MSRA: variants seen among roughly 807,000 people sequenced by gnomAD.
MSRA encodes methionine sulfoxide reductase A.
A neutral mutation model predicts 31.3 loss-of-function variants in MSRA; 54 were observed. The ratio of observed to expected loss-of-function variants is 1.73; its 90% CI spans 1.39 to 2.17. MSRA has a LOEUF of 2.17. MSRA is among the 30% of genes most tolerant of loss of function. MSRA has a pLI of 0.00. For synonymous variants in MSRA, 169 were observed against 116.5 expected (o/e 1.45, Z -2.90); for missense variants, 507 against 300.9 (o/e 1.69, Z -5.07).
chr8:10,097,048 C>G (rs1030216542), intron 1 of MSRA, among the ~76,000 whole-genome samples: 1 of 152,010 alleles, frequency 6.6e-6, no homozygotes, highest in Admixed American at 6.6e-5. Flanking sequence ...CTTAATCCTT[C>G]GACAATAAAA....
At chr8:10,294,178 G>A (rs1800403550) in intron 3 of MSRA, among the ~76,000 whole-genome samples, 1 of 152,276 alleles carries the variant, frequency 6.6e-6, no homozygotes, top group African/African-American at 2.4e-5. Context: ...TCCAGCCTGG[G>A]CAAGAGAGTG....
At chr8:10,303,016 C>T (rs1004526876) in intron 4 of MSRA, among the ~76,000 whole-genome samples, 2 of 152,198 alleles carry the variant, frequency 1.3e-5, no homozygotes, top group African/African-American at 4.8e-5. Context: ...GTGGTGACAG[C>T]CAGTCGCTCC....
chr8:10,084,099 C>T (rs1394160867), intron 1 of MSRA, among the ~76,000 whole-genome samples: 1 of 152,244 alleles, frequency 6.6e-6, no homozygotes, highest in African/African-American at 2.4e-5. Flanking sequence ...GGAGTCGAGG[C>T]AGGGCCTGGC....
intron 2 of MSRA, among the ~76,000 whole-genome samples, chr8:10,231,246 G>T (rs1280037340): frequency 6.6e-6 from 1 of 152,130 alleles, no homozygotes; most frequent in Non-Finnish European, 1.5e-5. Flanking sequence ...GGAGGAGGCT[G>T]CTGTCACCGT....
chr8:10,091,842 G>T (rs1021367285), intron 1 of MSRA, among the ~76,000 whole-genome samples: 3 of 152,046 alleles, frequency 2.0e-5, no homozygotes, highest in African/African-American at 7.2e-5. Flanking sequence ...CTTGTCCTCA[G>T]GCAATCTGCT....
In MSRA at chr8:10,224,710, G is replaced by T. The variant is rs569312576; in HGVS notation, c.211+16809G>T. Among the ~76,000 whole-genome samples the T allele has an allele frequency of 2.6e-5, 4 of 152,312 alleles. No individual in the cohort carries two copies. The South Asian group carries it at 8.3e-4, about 32-fold the overall frequency. ...GATTATTACCTCCCCATCAGAGAGA[G>T]ACACTCCTCGTGGTACAGCTGTGAT... On this transcript the variant is annotated intron_variant, in intron 2 of 5. Coordinates refer to ENST00000317173, the MANE Select transcript of MSRA (RefSeq NM_012331.5).
intron 1 of MSRA, among the ~76,000 whole-genome samples, chr8:10,098,455 C>T (rs1166227481): frequency 2.6e-5 from 4 of 152,108 alleles, no homozygotes; most frequent in Admixed American, 2.6e-4. Context: ...CTCATTTATT[C>T]ATTTATTCAA....
chr8:10,110,344 G>T (rs1172747999), intron 1 of MSRA, among the ~76,000 whole-genome samples: 1 of 152,148 alleles, frequency 6.6e-6, no homozygotes, highest in Non-Finnish European at 1.5e-5. Context: ...GGATTATCCA[G>T]ATTTGTGGCT....
At chr8:10,417,423 C>CACACACACAG (rs1222420231) in intron 5 of MSRA, among the ~76,000 whole-genome samples, 1 of 150,188 alleles carries the variant, frequency 6.7e-6, no homozygotes, top group Non-Finnish European at 1.5e-5. Flanking sequence ...TCAGAAGACA[C>CACACACACAG]ACACACACAC....
chr8:10,161,352 C>A (rs369748302), intron 1 of MSRA, among the ~76,000 whole-genome samples: 10 of 152,182 alleles, frequency 6.6e-5, no homozygotes, highest in African/African-American at 2.4e-4. Context: ...AATAAAGTTG[C>A]TGCAGTGCTG....
At chr8:10,096,281 G>A in intron 1 of MSRA, 1 of 1,150,300 alleles carries the variant, frequency 8.7e-7, no homozygotes, top group Non-Finnish European at 1.1e-6. Flanking sequence ...AAGGCAAGCT[G>A]AAGACACCAG....
chr8:10,295,321 C>T (rs964619352), intron 3 of MSRA, among the ~76,000 whole-genome samples: 4 of 152,106 alleles, frequency 2.6e-5, no homozygotes, highest in Admixed American at 1.3e-4. Flanking sequence ...CGTCGCACTG[C>T]GCTGCCTCTC....
intron 3 of MSRA, among the ~76,000 whole-genome samples, chr8:10,271,117 A>G (rs558069010): frequency 6.6e-6 from 1 of 151,718 alleles, no homozygotes; most frequent in East Asian, 1.9e-4. Context: ...TTTTATATGA[A>G]TAATTTTTAA....
At chr8:10,215,814 T>C (rs1391522930) in intron 2 of MSRA, among the ~76,000 whole-genome samples, 2 of 152,246 alleles carry the variant, frequency 1.3e-5, no homozygotes, top group African/African-American at 4.8e-5. Flanking sequence ...TTTGCAGTAG[T>C]GTACAGCAAC....
chr8:10,080,587 A>C (rs892809406), intron 1 of MSRA, among the ~76,000 whole-genome samples: 7 of 152,086 alleles, frequency 4.6e-5, no homozygotes, highest in African/African-American at 1.7e-4. Flanking sequence ...GTGCAGTAGC[A>C]CAGTCCCAGC....
intron 5 of MSRA, among the ~76,000 whole-genome samples, chr8:10,363,066 C>T (rs1804946488): frequency 6.6e-6 from 1 of 152,180 alleles, no homozygotes; most frequent in Non-Finnish European, 1.5e-5. Flanking sequence ...TGGTGTGGTT[C>T]CCATTTGGTG....
intron 1 of MSRA, among the ~76,000 whole-genome samples, chr8:10,204,087 A>G (rs1808736077): frequency 6.6e-6 from 1 of 152,154 alleles, no homozygotes; most frequent in African/African-American, 2.4e-5. Flanking sequence ...AATTTTAAAA[A>G]CAGGAAGAGC....
At chr8:10,133,351 C>T (rs1237038837) in intron 1 of MSRA, among the ~76,000 whole-genome samples, 1 of 152,184 alleles carries the variant, frequency 6.6e-6, no homozygotes, top group Non-Finnish European at 1.5e-5. Flanking sequence ...GTGGGGTGCT[C>T]TGCCTCCTGG....
chr8:10,160,655 G>A (rs186756389), intron 1 of MSRA, among the ~76,000 whole-genome samples: 4 of 152,102 alleles, frequency 2.6e-5, no homozygotes, highest in African/African-American at 9.6e-5. Flanking sequence ...TCAGCCTCCC[G>A]AGTAGCTGGG....
Sources: allele counts gnomAD v4.1 joint callset (sites outside exome capture counted in the v4.1 genomes callset), GRCh38; gene constraint gnomAD v4.1.1; transcripts MANE v1.5; gene names NCBI Gene and HGNC (gene_info 2026-07-23, HGNC 2026-07-21).